ADCY5: variants seen among roughly 807,000 people sequenced by gnomAD.
ADCY5 encodes the protein adenylate cyclase type 5.
Under a neutral mutation model 119.7 loss-of-function variants are expected in ADCY5, and 30 were observed. That is an observed-to-expected ratio of 0.25 (90% confidence interval 0.19 to 0.34). The LOEUF is 0.34. Among genes scored for constraint, ADCY5 ranks in the 10% least tolerant of loss-of-function variants. The pLI is 1.00. For synonymous variants in ADCY5, 753 were observed against 762.2 expected (o/e 0.99, Z 0.20); for missense variants, 1,324 against 1,775.2 (o/e 0.75, Z 4.57).
chr3:123,341,087 T>C (rs1257802734), intron 3 of ADCY5, among the ~76,000 whole-genome samples: 1 of 152,020 alleles, frequency 6.6e-6, no homozygotes, highest in Non-Finnish European at 1.5e-5. Flanking sequence ...ATCATGCCAC[T>C]GTACTCCAGC....
rs1938627484 is a variant in ADCY5, at chr3:123,284,850, G to A, written c.3658-114C>T. The A allele has an allele frequency of 5.6e-6, 8 of 1,418,150 alleles. No homozygotes were observed. The Admixed American group carries it at 1.4e-4, about 25-fold the overall frequency. 87.8% of individuals were successfully genotyped at this position (1,418,150 alleles called of 1,614,324 possible). A position where few individuals can be genotyped will look rare whatever the true frequency, so the allele number is the denominator to read the frequency against. The stretch of plus-strand genomic sequence containing the variant: ...CCTGTTGCCGCCCCTGACACAGAAG[G>A]AGAGGGGCAGCTGCCCCACTGAGGT... On this transcript the variant is annotated intron_variant, in intron 20 of 20. Coordinates refer to ENST00000462833, the MANE Select transcript of ADCY5 (RefSeq NM_183357.3).
chr3:123,343,447 G>A (rs1379977666), intron 3 of ADCY5, among the ~76,000 whole-genome samples: 4 of 152,172 alleles, frequency 2.6e-5, no homozygotes, highest in Non-Finnish European at 4.4e-5. Context: ...GCCACCAGGC[G>A]GCAGAGCTGG....
chr3:123,311,875 TGCAGC>T (rs1559796599), intron 12 of ADCY5, among the ~76,000 whole-genome samples: 5 of 152,028 alleles, frequency 3.3e-5, no homozygotes, highest in African/African-American at 1.2e-4. Context: ...AACAGGCCTC[TGCAGC>T]ACAGAGGCAG....
At chr3:123,320,863 TACAGTCTCCCAA>T in intron 8 of ADCY5, 92 bp from the exon 9 acceptor site, 1 of 911,674 alleles carries the variant, frequency 1.1e-6, no homozygotes, top group Admixed American at 2.0e-5. Context: ...AGCTCATCTC[TACAGTCTCCCAA>T]AGGACGTGGA....
At chr3:123,417,822 C>T (rs191899475) in intron 1 of ADCY5, among the ~76,000 whole-genome samples, 1 of 152,270 alleles carries the variant, frequency 6.6e-6, no homozygotes, top group Admixed American at 6.5e-5. Flanking sequence ...CCAGCCCTGA[C>T]ATTCTAGAAT....
At chr3:123,384,325 G>A (rs1244744841) in intron 1 of ADCY5, among the ~76,000 whole-genome samples, 2 of 152,222 alleles carry the variant, frequency 1.3e-5, no homozygotes, top group South Asian at 2.1e-4. Flanking sequence ...AGACTTGAGG[G>A]TGAATCTTCC....
intron 8 of ADCY5, among the ~76,000 whole-genome samples, chr3:123,324,473 C>T (rs1233935437): frequency 6.9e-6 from 1 of 145,852 alleles, no homozygotes; most frequent in African/African-American, 2.5e-5. Flanking sequence ...CACACACAGT[C>T]CCTGTGCCAT....
intron 14 of ADCY5, among the ~76,000 whole-genome samples, chr3:123,302,209 A>G (rs1308653181): frequency 6.6e-6 from 1 of 152,260 alleles, no homozygotes; most frequent in African/African-American, 2.4e-5. Context: ...CTGGAAGCTC[A>G]GCCCAGCTGC....
At chr3:123,367,770 C>T in intron 1 of ADCY5, 7 of 1,323,976 alleles carry the variant, frequency 5.3e-6, no homozygotes, top group South Asian at 1.5e-5. Context: ...CATCCCCTAG[C>T]CTGATCCACT....
intron 2 of ADCY5, among the ~76,000 whole-genome samples, chr3:123,349,545 A>G (rs1353344481): frequency 2.0e-5 from 3 of 152,124 alleles, no homozygotes; most frequent in Non-Finnish European, 4.4e-5. Context: ...CCTGTGCTCA[A>G]CACCTCCACA....
chr3:123,394,454 C>T (rs754196690), intron 1 of ADCY5, among the ~76,000 whole-genome samples: 1 of 152,260 alleles, frequency 6.6e-6, no homozygotes, highest in South Asian at 2.1e-4. Flanking sequence ...ACTTAGACTC[C>T]ACACTCACAT....
chr3:123,286,927 C>CA lies in ADCY5; in HGVS notation c.3533-119dup. The CA allele has an allele frequency of 7.1e-7, 1 of 1,399,528 alleles. No individual in the cohort carries two copies. 86.7% of individuals were successfully genotyped at this position (1,399,528 alleles called of 1,614,324 possible). A position where few individuals can be genotyped will look rare whatever the true frequency, so the allele number is the denominator to read the frequency against. On this transcript the variant is annotated intron_variant, in intron 19 of 20. Transcript: ENST00000462833. The surrounding 1 kb of genome is among the most constrained non-coding windows in gnomAD (Gnocchi z 4.2). ...CCAACCTGAGACACCCGTGGGCTTC[C>CA]AGGCCCAAGGCTGTGCTAAACCCTG... is the stretch of plus-strand genomic sequence containing the variant.
chr3:123,409,262 T>G (rs909049146), intron 1 of ADCY5, among the ~76,000 whole-genome samples: 3 of 152,176 alleles, frequency 2.0e-5, no homozygotes, highest in Non-Finnish European at 2.9e-5. Context: ...CAACACCTAG[T>G]TCCTCTATGT....
chr3:123,360,349 G>A (rs1416841974), intron 1 of ADCY5, among the ~76,000 whole-genome samples: 1 of 152,078 alleles, frequency 6.6e-6, no homozygotes, highest in Non-Finnish European at 1.5e-5. Flanking sequence ...CTAGGATCTA[G>A]CTGCTCTGGG....
Position 123,447,730 on chromosome 3 carries a change from G to T in ADCY5, c.816C>A (p.Ala272=), listed in dbSNP as rs199689389. The change falls in exon 1 of 21, where the codon GCC becomes GCA. Residue 272 remains alanine, a synonymous_variant. Coordinates refer to ENST00000462833, the MANE Select transcript of ADCY5 (RefSeq NM_183357.3). ...ARPPLQLPYL[A]VLAAAVGVIL... The stretch of plus-strand genomic sequence containing the variant: ...TCACGCCGACGGCGGCCGCCAGCAC[G>T]GCCAGGTAGGGCAGCTGGAGCGGGG... 4.3e-4 allele frequency: 681 copies of T among 1,599,914 alleles called. No homozygotes were observed. The highest frequency in any genetic ancestry group is 4.8e-4 in the Non-Finnish European group (558 of 1,171,590).
intron 1 of ADCY5, among the ~76,000 whole-genome samples, chr3:123,421,491 A>T (rs1367348307): frequency 6.6e-6 from 1 of 152,136 alleles, no homozygotes; most frequent in Admixed American, 6.5e-5. Flanking sequence ...TCATCATGAC[A>T]CCTAGTCCTA....
At position 123,284,192 on chromosome 3, in the gene ADCY5, G is replaced by C. The variant is rs1938574710; in HGVS notation, c.*416C>G. 1 of 167,944 alleles carries C rather than the reference G, an allele frequency of 6.0e-6. No individual in the cohort carries two copies. Among genetic ancestry groups the C allele is most frequent in the Non-Finnish European group, 1.3e-5 (1 of 77,850 alleles). The allele number at this position is 167,944 out of a possible 1,614,324, so 10.4% of individuals were successfully genotyped here. ...GCTCACATAGAAAAGCAGACCCCTGGGGCCCCCTAGGCTCTCCCAGGCCAC... is the reference window on the plus strand; with the variant it reads ...GCTCACATAGAAAAGCAGACCCCTGCGGCCCCCTAGGCTCTCCCAGGCCAC... On this transcript the variant is annotated 3_prime_UTR_variant, in exon 21 of 21. Coordinates refer to ENST00000462833, the MANE Select transcript of ADCY5 (RefSeq NM_183357.3).
intron 12 of ADCY5, among the ~76,000 whole-genome samples, chr3:123,310,522 G>A (rs1044185634): frequency 2.0e-5 from 3 of 152,206 alleles, no homozygotes; most frequent in African/African-American, 7.2e-5. Context: ...TCAGGTAGGT[G>A]GCTGGGCTCT....
chr3:123,413,668 G>A (rs1404090052), intron 1 of ADCY5, among the ~76,000 whole-genome samples: 1 of 152,230 alleles, frequency 6.6e-6, no homozygotes, highest in Non-Finnish European at 1.5e-5. Flanking sequence ...TGCCTGGCCT[G>A]CTGTCAGTCT....
Sources: allele counts gnomAD v4.1 joint callset (sites outside exome capture counted in the v4.1 genomes callset), GRCh38; gene constraint gnomAD v4.1.1; non-coding constraint Gnocchi (gnomAD v3.1); transcripts MANE v1.5; gene names NCBI Gene and HGNC (gene_info 2026-07-23, HGNC 2026-07-21).